Variants in CD44 observed in about 807,000 individuals in gnomAD.
The protein encoded by CD44 is CD44 molecule (IN blood group).
In CD44, 49 loss-of-function variants were observed where a neutral mutation model predicts 88.8. The ratio of observed to expected loss-of-function variants is 0.55; its 90% CI spans 0.44 to 0.70. CD44 has a LOEUF of 0.70. Among genes scored for constraint, CD44 ranks in the 30% least tolerant of loss-of-function variants. CD44 has a pLI of 0.00. For synonymous variants in CD44, 325 were observed against 312.3 expected, an observed-to-expected ratio of 1.04 and a Z score of -0.43; for missense variants, 883 against 913.8, an observed-to-expected ratio of 0.97 and a Z score of 0.43.
chr11:35,212,402 AT>A (rs112442460), intron 14 of CD44: 7,947 of 149,226 alleles, frequency 0.053, 361 homozygotes, highest in African/African-American at 0.12. Context: ...TATATATATA[AT>A]TTTTTTTTTT....
intron 1 of CD44, among the ~76,000 whole-genome samples, chr11:35,160,961 G>T (rs541586292): frequency 6.6e-6 from 1 of 152,142 alleles, no homozygotes; most frequent in Non-Finnish European, 1.5e-5. Flanking sequence ...TCTATCAAGA[G>T]AGAACACATG....
chr11:35,169,415 C>T (rs762472042), intron 1 of CD44, among the ~76,000 whole-genome samples: 3 of 31,724 alleles, frequency 9.5e-5, no homozygotes, highest in East Asian at 4.2e-4. Flanking sequence ...CCTACCTAAA[C>T]ACACACACAC....
At chr11:35,175,942 T>C (rs1437743537) in intron 1 of CD44, among the ~76,000 whole-genome samples, 1 of 150,050 alleles carries the variant, frequency 6.7e-6, no homozygotes, top group Non-Finnish European at 1.5e-5. Context: ...CTCGGCTCAC[T>C]GTAACCTCTG....
chr11:35,182,420 A>G (rs73436946), intron 3 of CD44, among the ~76,000 whole-genome samples: 3,882 of 152,176 alleles, frequency 0.026, 161 homozygotes, highest in African/African-American at 0.089. Context: ...CTATCGAGAG[A>G]CATACGAAAC....
At chr11:35,224,099 A>C (rs1434758669) in intron 17 of CD44, among the ~76,000 whole-genome samples, 1 of 152,214 alleles carries the variant, frequency 6.6e-6, no homozygotes, top group Non-Finnish European at 1.5e-5. Context: ...CCTGTGCCAG[A>C]CACTGTTATA....
At position 35,196,563 on chromosome 11, in the gene CD44, A is replaced by G. The variant is rs1267513719; in HGVS notation, c.668-183A>G. 2.0e-5 allele frequency among the ~76,000 whole-genome samples: 3 copies of G among 152,160 alleles called. No homozygotes were observed. The East Asian group carries it at 5.8e-4, about 29-fold the overall frequency. ...AAGATCCTTCCCTCTCTGACATTCT[A>G]TAAACTTCAGTTTGAGTCTCTGAAA... On this transcript the variant is annotated intron_variant, in intron 5 of 17. Transcript: ENST00000428726.
Position 35,190,027 on chromosome 11 carries a change from C to T in CD44, c.629C>T (p.Pro210Leu), listed in dbSNP as rs868322335. ...TVHPIPDEDS[P>L]WITDSTDRIP... ...CACCCCATCCCAGACGAAGACAGTC[C>T]CTGGATCACCGACAGCACAGACAGA... Residue 210 changes from proline to leucine, a missense_variant, in exon 5 of 18, where the codon CCC (proline) becomes CTC (leucine). Physicochemically the swap from Pro to Leu is moderately conservative, Grantham distance 98. This residue lies in a region of CD44 where 252 missense variants were observed against 322.9 expected (regional missense o/e 0.78). Coordinates refer to ENST00000428726, the MANE Select transcript of CD44 (RefSeq NM_000610.4). 5 of 1,614,114 alleles carry T rather than the reference C, an allele frequency of 3.1e-6. No individual in the cohort carries two copies. Among genetic ancestry groups the T allele is most frequent in the Admixed American group, 1.7e-5 (1 of 60,018 alleles).
intron 1 of CD44, among the ~76,000 whole-genome samples, chr11:35,159,471 G>A (rs1942319154): frequency 6.6e-6 from 1 of 152,086 alleles, no homozygotes. Context: ...TTTTCATGGT[G>A]CAAACACATC....
rs545581466 is a variant in CD44 at position 35,208,306 on chromosome 11, C to T, written c.1516+100C>T. On this transcript the variant is annotated intron_variant, in intron 12 of 17. Transcript: ENST00000428726. ...GCAGAGCTTTGGTGGTGGAATGGTG[C>T]TATGTGGCTTACTTCAGCCCAGAGT... 6.2e-5 allele frequency: 51 copies of T among 824,596 alleles called. No homozygotes were observed. In the Admixed American group the frequency reaches 8.9e-4, roughly 14 times the overall value. 51.1% of individuals were successfully genotyped at this position (824,596 alleles called of 1,614,324 possible). A position where few individuals can be genotyped will look rare whatever the true frequency, so the allele number is the denominator to read the frequency against.
intron 1 of CD44, among the ~76,000 whole-genome samples, chr11:35,166,890 C>T (rs1943335267): frequency 6.6e-6 from 1 of 152,228 alleles, no homozygotes. Context: ...CAGCCAAAGG[C>T]GATTCGGCCA....
At chr11:35,157,626 C>T (rs1388637020) in intron 1 of CD44, among the ~76,000 whole-genome samples, 1 of 152,174 alleles carries the variant, frequency 6.6e-6, no homozygotes, top group African/African-American at 2.4e-5. Context: ...GCCACATCTT[C>T]TCTCACTCCC....
chr11:35,176,827 A>C (rs1183971716), intron 2 of CD44, 87 bp downstream of exon 2: 1 of 1,276,118 alleles, frequency 7.8e-7, no homozygotes, highest in Non-Finnish European at 1.1e-6. Flanking sequence ...CCTTTCCCAC[A>C]GCTGAATGGA....
intron 13 of CD44, 126 bp from the exon 14 acceptor site, chr11:35,211,120 C>T: frequency 1.4e-6 from 1 of 704,492 alleles, no homozygotes; most frequent in Non-Finnish European, 2.5e-6. Context: ...AAACTTCACT[C>T]TATTTCTCCC....
chr11:35,157,352 T>TATCTATC (rs1422831656), intron 1 of CD44, among the ~76,000 whole-genome samples: 1 of 151,944 alleles, frequency 6.6e-6, no homozygotes, highest in Non-Finnish European at 1.5e-5. Flanking sequence ...TCTATCTATC[T>TATCTATC]ATCTATCTAT....
At chr11:35,190,452 A>C in intron 5 of CD44, 1 of 232,158 alleles carries the variant, frequency 4.3e-6, no homozygotes, top group Non-Finnish European at 8.5e-6. Context: ...TGTTTTCATA[A>C]AGTTGGGATC....
At chr11:35,156,455 T>C (rs1941878896) in intron 1 of CD44, among the ~76,000 whole-genome samples, 1 of 152,238 alleles carries the variant, frequency 6.6e-6, no homozygotes, top group Non-Finnish European at 1.5e-5. Context: ...CAGTATCTAA[T>C]GATGAACGAT....
In CD44 at chr11:35,223,259, C is replaced by A. The variant is rs1949448361; in HGVS notation, c.2024+1527C>A. ...GGAGCCTTTACAAAGAGTCTTTATACCTCCCTTCAGCTTCCTCATTTTCCC... is the reference window on the plus strand; with the variant it reads ...GGAGCCTTTACAAAGAGTCTTTATAACTCCCTTCAGCTTCCTCATTTTCCC... On this transcript the variant is annotated intron_variant, in intron 17 of 17. Transcript: ENST00000428726. The A allele has an allele frequency of 1.0e-5, 10 of 985,198 alleles. 2 individuals are homozygous for A. The South Asian group carries it at 4.7e-4, about 46-fold the overall frequency. The allele number at this position is 985,198 out of a possible 1,614,324, so 61.0% of individuals were successfully genotyped here. A position where few individuals can be genotyped will look rare whatever the true frequency, so the allele number is the denominator to read the frequency against.
At chr11:35,180,923 G>A (rs1944927709) in intron 3 of CD44, among the ~76,000 whole-genome samples, 1 of 152,188 alleles carries the variant, frequency 6.6e-6, no homozygotes, top group African/African-American at 2.4e-5. Flanking sequence ...TGCTAGGGAT[G>A]CTTTTATTTT....
intron 3 of CD44, among the ~76,000 whole-genome samples, chr11:35,183,029 A>T (rs1945305828): frequency 6.6e-6 from 1 of 152,216 alleles, no homozygotes; most frequent in Admixed American, 6.5e-5. Flanking sequence ...GAGCAAGAGC[A>T]TTGATTAATT....
Sources: allele counts gnomAD v4.1 joint callset (sites outside exome capture counted in the v4.1 genomes callset), GRCh38; gene constraint gnomAD v4.1.1; regional missense constraint gnomAD v4.1.1; transcripts MANE v1.5; gene names NCBI Gene and HGNC (gene_info 2026-07-23, HGNC 2026-07-21).